The following SLC22A23 variants were observed in gnomAD, a reference collection of about 807,000 sequenced individuals.
SLC22A23 encodes ion transporter protein.
A neutral mutation model predicts 61.0 loss-of-function variants in SLC22A23; 26 were observed. That is an observed-to-expected ratio of 0.43 (90% confidence interval 0.31 to 0.59). SLC22A23 has a LOEUF of 0.59. SLC22A23 is among the 20% of genes least tolerant of loss of function. The probability of loss-of-function intolerance (pLI) is 0.11; values close to 1 mark genes in which losing one functional copy is unlikely to be tolerated. For missense variants in SLC22A23, 796 were observed against 934.7 expected (o/e 0.85, Z 1.94); for synonymous variants, 430 against 413.9 (o/e 1.04, Z -0.47).
rs5873876 is a variant in SLC22A23, at chr6:3,315,167, C to CAAA, written c.1082+8664_1082+8666dup. ...TGATTAAAAGTCTTGGGGAAAAGTGCAAAAAAAAAAACTGCACACACTCAC... is the reference window on the plus strand; with the variant it reads ...TGATTAAAAGTCTTGGGGAAAAGTGCAAAAAAAAAAAAAACTGCACACACTCAC... On this transcript the variant is annotated intron_variant, in intron 4 of 9. Coordinates refer to ENST00000406686, the MANE Select transcript of SLC22A23 (RefSeq NM_015482.2). Among the ~76,000 whole-genome samples, 628 of 149,428 alleles carry CAAA rather than the reference C, an allele frequency of 4.2e-3. 4 individuals are homozygous for CAAA. The highest frequency in any genetic ancestry group is 0.03 in the East Asian group (154 of 5,120).
intron 9 of SLC22A23, among the ~76,000 whole-genome samples, chr6:3,273,754 T>C (rs6901656): frequency 0.091 from 13,819 of 152,276 alleles, 738 homozygotes; most frequent in Middle Eastern, 0.17. Flanking sequence ...AATGGGAAGC[T>C]GATATTACTT....
At chr6:3,384,246 T>C (rs190318136) in intron 3 of SLC22A23, among the ~76,000 whole-genome samples, 1 of 152,336 alleles carries the variant, frequency 6.6e-6, no homozygotes, top group Non-Finnish European at 1.5e-5. Context: ...TGCAAAGTGG[T>C]TGCTCCTTCT....
At chr6:3,380,828 G>T (rs1385147911) in intron 3 of SLC22A23, among the ~76,000 whole-genome samples, 2 of 151,998 alleles carry the variant, frequency 1.3e-5, no homozygotes, top group African/African-American at 4.8e-5. Context: ...GCTTGTCATT[G>T]TCACGTGGGG....
chr6:3,377,700 G>C (rs776729706), intron 3 of SLC22A23: 26 of 152,426 alleles, frequency 1.7e-4, no homozygotes, highest in Non-Finnish European at 2.8e-4. Context: ...GAAAGACAAT[G>C]AGCAGTGGAG....
intron 1 of SLC22A23, among the ~76,000 whole-genome samples, chr6:3,445,192 T>C (rs1218440323): frequency 6.6e-6 from 1 of 151,730 alleles, no homozygotes; most frequent in Non-Finnish European, 1.5e-5. Context: ...CCTGCCACTC[T>C]TGCCCCCCTT....
intron 6 of SLC22A23, 66 bp downstream of exon 6, chr6:3,289,698 T>C (rs12527492): frequency 0.073 from 99,596 of 1,369,362 alleles, 4,726 homozygotes; most frequent in African/African-American, 0.2. Context: ...GCCCTGGGCT[T>C]CACCACTCCC....
At chr6:3,283,682 G>T (rs1448227767) in intron 9 of SLC22A23, 170 bp downstream of exon 9, 10 of 1,157,214 alleles carry the variant, frequency 8.6e-6, no homozygotes, top group Middle Eastern at 2.0e-4. Context: ...CTGCCTCTTG[G>T]GCGCCTCGGG....
chr6:3,402,466 C>A (rs79416514), intron 3 of SLC22A23, among the ~76,000 whole-genome samples: 1,319 of 29,270 alleles, frequency 0.045, 3 homozygotes, highest in African/African-American at 0.071. Context: ...TAGCTAAGCC[C>A]TAATCACCCA....
chr6:3,280,318 C>A (rs1203683341), intron 9 of SLC22A23, among the ~76,000 whole-genome samples: 1 of 152,100 alleles, frequency 6.6e-6, no homozygotes, highest in Non-Finnish European at 1.5e-5. Flanking sequence ...GGATCATGGG[C>A]AGCTCCGTCT....
chr6:3,412,474 A>G (rs1769336277), intron 2 of SLC22A23, among the ~76,000 whole-genome samples: 1 of 152,218 alleles, frequency 6.6e-6, no homozygotes, highest in Non-Finnish European at 1.5e-5. Context: ...CAAGCGTTCA[A>G]TACATGTTAG....
intron 3 of SLC22A23, among the ~76,000 whole-genome samples, chr6:3,361,085 A>G (rs944587601): frequency 7.0e-6 from 1 of 142,976 alleles, no homozygotes; most frequent in African/African-American, 2.6e-5. Context: ...CCTGACCCCA[A>G]GTTAAACTGC....
chr6:3,386,666 C>T lies in SLC22A23; in HGVS notation c.913+23522G>A, dbSNP rs1473992451. Among the ~76,000 whole-genome samples, 2 of 152,350 alleles carry T rather than the reference C, an allele frequency of 1.3e-5. No homozygotes were observed. The highest frequency in any genetic ancestry group is 6.8e-3 in the Middle Eastern group (2 of 294). On this transcript the variant is annotated intron_variant, in intron 3 of 9. Transcript: ENST00000406686. The surrounding 1 kb of genome is among the most constrained non-coding windows in gnomAD (Gnocchi z 4.4). ...TTCCAGGGCCAACCCTCTTGCTCTA[C>T]AGATGAAAAGAGTGAATCCAGGACT...
chr6:3,338,216 T>C (rs908276400), intron 3 of SLC22A23, among the ~76,000 whole-genome samples: 3 of 152,290 alleles, frequency 2.0e-5, no homozygotes, highest in African/African-American at 7.2e-5. Flanking sequence ...ATAGAAGCTC[T>C]TAGGCTTAAC....
chr6:3,311,803 T>C (rs1219411324), intron 4 of SLC22A23: 1 of 152,242 alleles, frequency 6.6e-6, no homozygotes, highest in Non-Finnish European at 1.5e-5. Flanking sequence ...ACACTGAGGC[T>C]CCAAAATTCT....
At chr6:3,362,775 C>T (rs556026085) in intron 3 of SLC22A23, among the ~76,000 whole-genome samples, 1 of 152,242 alleles carries the variant, frequency 6.6e-6, no homozygotes, top group African/African-American at 2.4e-5. Context: ...GCAGGTAGAC[C>T]TCCAGGACCC....
chr6:3,317,582 G>A lies in SLC22A23; in HGVS notation c.1082+6252C>T, dbSNP rs909846869. ...TTTCTTCTGGAAGAAGGATCAGTCG[G>A]TATGACTTCCTTCTAGATGAGCGCT... is the stretch of plus-strand genomic sequence containing the variant. On this transcript the variant is annotated intron_variant, in intron 4 of 9. Transcript: ENST00000406686. This position sits in a 1 kb window ranked among gnomAD's most constrained non-coding sequence, Gnocchi z 4.4. 1.3e-5 allele frequency among the ~76,000 whole-genome samples: 2 copies of A among 152,162 alleles called. No individual in the cohort carries two copies. Among genetic ancestry groups the A allele is most frequent in the African/African-American group, 4.8e-5 (2 of 41,428 alleles).
At chr6:3,377,637 T>A (rs1430761818) in intron 3 of SLC22A23, among the ~76,000 whole-genome samples, 1 of 149,888 alleles carries the variant, frequency 6.7e-6, no homozygotes, top group Non-Finnish European at 1.5e-5. Context: ...CCCCTCCAAG[T>A]CTCGCACTGA....
intron 3 of SLC22A23, among the ~76,000 whole-genome samples, chr6:3,399,840 A>G (rs1768260669): frequency 6.6e-6 from 1 of 152,138 alleles, no homozygotes; most frequent in Non-Finnish European, 1.5e-5. Context: ...GTCCTCTCCT[A>G]CCCCTGAAGT....
At chr6:3,289,021 C>T (rs1364011985) in intron 6 of SLC22A23, among the ~76,000 whole-genome samples, 1 of 152,254 alleles carries the variant, frequency 6.6e-6, no homozygotes, top group East Asian at 1.9e-4. Context: ...CAGCTCGAGA[C>T]CTTTCACAAA....
Sources: allele counts gnomAD v4.1 joint callset (sites outside exome capture counted in the v4.1 genomes callset), GRCh38; gene constraint gnomAD v4.1.1; non-coding constraint Gnocchi (gnomAD v3.1); transcripts MANE v1.5; gene names NCBI Gene and HGNC (gene_info 2026-07-23, HGNC 2026-07-21).